Variants in EYA2 observed in about 807,000 individuals in gnomAD.
EYA2 encodes protein phosphatase EYA2.
Under a neutral mutation model 69.2 loss-of-function variants are expected in EYA2, and 31 were observed. The ratio of observed to expected loss-of-function variants is 0.45; its 90% CI spans 0.34 to 0.60. The LOEUF (loss-of-function observed/expected upper bound fraction) is 0.60, where lower values mean the gene tolerates loss of function less well. Ranked by LOEUF, EYA2 falls within the 20% of genes least tolerant of loss-of-function variation. The probability of loss-of-function intolerance (pLI) is 0.02; values close to 1 mark genes in which losing one functional copy is unlikely to be tolerated. For synonymous variants in EYA2, 257 were observed against 279.4 expected, an observed-to-expected ratio of 0.92 and a Z score of 0.80; for missense variants, 622 against 701.2, an observed-to-expected ratio of 0.89 and a Z score of 1.28.
At chr20:47,058,805 A>T (rs540012677) in intron 5 of EYA2, among the ~76,000 whole-genome samples, 1 of 152,206 alleles carries the variant, frequency 6.6e-6, no homozygotes, top group African/African-American at 2.4e-5. Context: ...GTGCCACTGC[A>T]CCCCAGCCTG....
At chr20:46,952,473 T>C (rs1402362256) in intron 1 of EYA2, among the ~76,000 whole-genome samples, 1 of 152,210 alleles carries the variant, frequency 6.6e-6, no homozygotes, top group Non-Finnish European at 1.5e-5. Context: ...CGTTTGTTCA[T>C]CAGTCATTCA....
At chr20:47,186,348 C>CTTTTTTTTTT (rs765874138) in intron 15 of EYA2, among the ~76,000 whole-genome samples, 2 of 72,316 alleles carry the variant, frequency 2.8e-5, no homozygotes, top group Non-Finnish European at 6.0e-5. Flanking sequence ...AGCACTTATT[C>CTTTTTTTTTT]TTTTTTTTTT....
chr20:47,008,378 C>T (rs1359490554), intron 4 of EYA2, among the ~76,000 whole-genome samples: 2 of 152,328 alleles, frequency 1.3e-5, no homozygotes, highest in South Asian at 2.1e-4. Flanking sequence ...CCCTCACCCA[C>T]GGGGCTCCGA....
At chr20:46,922,655 G>C (rs1460059735) in intron 1 of EYA2, among the ~76,000 whole-genome samples, 2 of 152,214 alleles carry the variant, frequency 1.3e-5, no homozygotes, top group Non-Finnish European at 2.9e-5. Flanking sequence ...AGCTAGAATT[G>C]TGGGGGAGAG....
At chr20:47,029,050 A>C (rs1417731474) in intron 5 of EYA2, among the ~76,000 whole-genome samples, 1 of 152,276 alleles carries the variant, frequency 6.6e-6, no homozygotes, top group African/African-American at 2.4e-5. Flanking sequence ...GCCAAAGCAC[A>C]TGTACAGATT....
intron 5 of EYA2, among the ~76,000 whole-genome samples, chr20:47,038,185 G>C (rs1477750951): frequency 2.0e-5 from 3 of 152,144 alleles, no homozygotes; most frequent in Non-Finnish European, 2.9e-5. Context: ...TTTTAGGTAG[G>C]GGTGGGGCGG....
chr20:47,094,125 C>T (rs2032175637), intron 8 of EYA2, among the ~76,000 whole-genome samples: 2 of 152,094 alleles, frequency 1.3e-5, no homozygotes, highest in South Asian at 4.1e-4. Flanking sequence ...CACTAAGAAT[C>T]GAGGATGGTG....
At chr20:47,046,598 G>T (rs541439851) in intron 5 of EYA2, among the ~76,000 whole-genome samples, 18 of 152,286 alleles carry the variant, frequency 1.2e-4, no homozygotes, top group Middle Eastern at 3.4e-3. Flanking sequence ...GCTTGTGTAG[G>T]GGGGTGGGCT....
At chr20:46,980,587 G>A (rs13042649) in intron 1 of EYA2, among the ~76,000 whole-genome samples, 17,369 of 152,120 alleles carry the variant, frequency 0.11, 1,163 homozygotes, top group African/African-American at 0.2. Flanking sequence ...CATCCCCTTA[G>A]ATATGTATCT....
chr20:46,997,054 C>A (rs6018218), intron 2 of EYA2, among the ~76,000 whole-genome samples: 52,649 of 151,874 alleles, frequency 0.35, 9,346 homozygotes, highest in African/African-American at 0.42. Context: ...CCTTTCCCCC[C>A]ACAAAGCGGG....
chr20:47,158,191 G>A (rs907405745), intron 10 of EYA2, among the ~76,000 whole-genome samples: 11 of 151,924 alleles, frequency 7.2e-5, no homozygotes, highest in African/African-American at 2.7e-4. Context: ...CAAGCAGATA[G>A]AATAACCATA....
intron 1 of EYA2, among the ~76,000 whole-genome samples, chr20:46,896,827 A>G (rs566325911): frequency 1.3e-4 from 20 of 152,332 alleles, no homozygotes; most frequent in African/African-American, 4.1e-4. Flanking sequence ...CAGCTTCACA[A>G]TATCATTCAC....
chr20:47,072,237 C>T lies in EYA2; in HGVS notation c.468C>T (p.Phe156=), dbSNP rs11905292. Residue 156 remains phenylalanine (F), a synonymous_variant, in exon 6 of 16, where the codon TTC becomes TTT. Transcript: ENST00000327619. ...ATGGACTGGGCAACGCAGCCGGTTTCGGGAGTGTGCACCAGGTAGACATGG... is the reference window on the plus strand; with the variant it reads ...ATGGACTGGGCAACGCAGCCGGTTTTGGGAGTGTGCACCAGGTAGACATGG... ...GGNGLGNAAG[F]GSVHQDYPSY... 3.2e-4 allele frequency: 522 copies of T among 1,612,064 alleles called. No individual in the cohort carries two copies. The highest frequency in any genetic ancestry group is 4.2e-4 in the Non-Finnish European group (491 of 1,178,976).
intron 3 of EYA2, among the ~76,000 whole-genome samples, chr20:47,002,606 T>C (rs1982450334): frequency 1.3e-5 from 2 of 152,232 alleles, no homozygotes; most frequent in South Asian, 2.1e-4. Flanking sequence ...CAGTCTATCA[T>C]TGATGGGCAT....
At chr20:46,951,315 G>T (rs1182777919) in intron 1 of EYA2, among the ~76,000 whole-genome samples, 1 of 152,168 alleles carries the variant, frequency 6.6e-6, no homozygotes, top group Non-Finnish European at 1.5e-5. Flanking sequence ...AGCACATGTA[G>T]CAGTAACCAG....
chr20:46,994,954 G>A (rs996942226), intron 2 of EYA2, among the ~76,000 whole-genome samples: 15 of 151,492 alleles, frequency 9.9e-5, no homozygotes, highest in Non-Finnish European at 1.9e-4. Flanking sequence ...AGGCTGGAGC[G>A]CAGTGGCACG....
At chr20:46,999,509 T>C (rs974002501) in intron 2 of EYA2, among the ~76,000 whole-genome samples, 1 of 152,250 alleles carries the variant, frequency 6.6e-6, no homozygotes, top group East Asian at 1.9e-4. Flanking sequence ...TGAATGCACG[T>C]GCATGCACAC....
At chr20:47,097,431 G>A (rs1025752785) in intron 9 of EYA2, among the ~76,000 whole-genome samples, 4 of 152,302 alleles carry the variant, frequency 2.6e-5, no homozygotes, top group East Asian at 3.9e-4. Context: ...AAATACACTT[G>A]TTGTCTTCAG....
intron 1 of EYA2, among the ~76,000 whole-genome samples, chr20:46,955,649 A>G (rs896107913): frequency 6.6e-6 from 1 of 151,876 alleles, no homozygotes; most frequent in Admixed American, 6.6e-5. Context: ...CCACAAATTC[A>G]TAGAGTTTTC....
Sources: allele counts gnomAD v4.1 joint callset (sites outside exome capture counted in the v4.1 genomes callset), GRCh38; gene constraint gnomAD v4.1.1; transcripts MANE v1.5; gene names NCBI Gene and HGNC (gene_info 2026-07-23, HGNC 2026-07-21).